The following B3GALT5 variants were observed in gnomAD, a reference collection of about 807,000 sequenced individuals.
The protein encoded by B3GALT5 is beta-1,3-galactosyltransferase 5, also known as UDP-Gal:betaGlcNAc beta 1,3-galactosyltransferase, polypeptide 5.
For missense variants in B3GALT5, 328 were observed against 396.6 expected (o/e 0.83, Z 1.47); for synonymous variants, 156 against 158.6 (o/e 0.98, Z 0.12).
chr21:39,654,369 A>G (rs568077468), intron 2 of B3GALT5, among the ~76,000 whole-genome samples: 4 of 152,214 alleles, frequency 2.6e-5, no homozygotes, highest in Non-Finnish European at 5.9e-5. Flanking sequence ...GGGATGAGCC[A>G]CCATGGTCGA....
At chr21:39,648,811 G>A (rs994267191) in intron 2 of B3GALT5, among the ~76,000 whole-genome samples, 7 of 152,058 alleles carry the variant, frequency 4.6e-5, no homozygotes, top group Non-Finnish European at 5.9e-5. Flanking sequence ...CCCGAGGGTG[G>A]AGCGCTCGTG....
chr21:39,613,606 T>C (rs1361426942), intron 1 of B3GALT5, among the ~76,000 whole-genome samples: 2 of 152,124 alleles, frequency 1.3e-5, no homozygotes, highest in African/African-American at 4.8e-5. Flanking sequence ...CTAAATACAG[T>C]GAGGTACCTT....
At position 39,662,722 on chromosome 21, in the gene B3GALT5, C is replaced by T. The variant is rs543651126; in HGVS notation, c.*1230C>T. 3 of 167,552 alleles carry T rather than the reference C, an allele frequency of 1.8e-5. No individual in the cohort carries two copies. The highest frequency in any genetic ancestry group is 4.8e-5 in the African/African-American group (2 of 41,570). The allele number at this position is 167,552 out of a possible 1,614,324, so 10.4% of individuals were successfully genotyped here. ...AGGGTTGTATAAAACCAAGGTACTT[C>T]GTTAGTTTTGCCCATTCAGCCATGG... On this transcript the variant is annotated 3_prime_UTR_variant, in exon 4 of 4. Coordinates refer to ENST00000684187, the MANE Select transcript of B3GALT5 (RefSeq NM_001356336.2).
At chr21:39,654,779 G>A (rs891174532) in intron 2 of B3GALT5, among the ~76,000 whole-genome samples, 1 of 152,126 alleles carries the variant, frequency 6.6e-6, no homozygotes, top group Admixed American at 6.6e-5. Context: ...GCAGTAAAAA[G>A]ATTATGATTC....
intron 1 of B3GALT5, among the ~76,000 whole-genome samples, chr21:39,620,457 C>G (rs2079128641): frequency 6.6e-6 from 1 of 152,046 alleles, no homozygotes; most frequent in Non-Finnish European, 1.5e-5. Context: ...CATGTAGAGT[C>G]TCTTGGATGT....
intron 2 of B3GALT5, among the ~76,000 whole-genome samples, chr21:39,656,747 T>A (rs2079448822): frequency 6.6e-6 from 1 of 152,230 alleles, no homozygotes; most frequent in Admixed American, 6.5e-5. Flanking sequence ...TCACCTGGCC[T>A]GGGGAGAGTC....
At chr21:39,616,069 T>C (rs1169539680) in intron 1 of B3GALT5, among the ~76,000 whole-genome samples, 1 of 152,196 alleles carries the variant, frequency 6.6e-6, no homozygotes, top group Non-Finnish European at 1.5e-5. Flanking sequence ...TAGTTTGTTA[T>C]TTAAATTTTG....
At chr21:39,623,084 CTCCA>C (rs2079142405) in intron 1 of B3GALT5, among the ~76,000 whole-genome samples, 1 of 140,642 alleles carries the variant, frequency 7.1e-6, no homozygotes, top group Non-Finnish European at 1.5e-5. Flanking sequence ...CCCTCCCTCC[CTCCA>C]TCCTTCCTTC....
chr21:39,642,887 A>AAAAAAG (rs1555926645), intron 1 of B3GALT5, among the ~76,000 whole-genome samples: 6 of 141,626 alleles, frequency 4.2e-5, no homozygotes, highest in Non-Finnish European at 7.5e-5. Flanking sequence ...AAAAAAAAAA[A>AAAAAAG]AAAAGAAAAG....
At chr21:39,643,737 AG>A (rs918898042) in intron 1 of B3GALT5, among the ~76,000 whole-genome samples, 2 of 152,146 alleles carry the variant, frequency 1.3e-5, no homozygotes, top group Non-Finnish European at 2.9e-5. Flanking sequence ...GTGCTTAAAG[AG>A]GGGGGAGAGA....
At chr21:39,631,598 A>G (rs544162024) in intron 1 of B3GALT5, among the ~76,000 whole-genome samples, 1 of 152,302 alleles carries the variant, frequency 6.6e-6, no homozygotes, top group Admixed American at 6.5e-5. Context: ...AACAGTAAAG[A>G]TCTATTAACT....
chr21:39,617,056 A>G (rs1419478224), intron 1 of B3GALT5, among the ~76,000 whole-genome samples: 1 of 152,226 alleles, frequency 6.6e-6, no homozygotes, highest in African/African-American at 2.4e-5. Flanking sequence ...ACAATAGGAA[A>G]GCATTGTTGA....
Position 39,661,090 on chromosome 21 carries a change from C to G in B3GALT5, c.531C>G (p.Thr177=), listed in dbSNP as rs750726351. ...TELLLKKNRT[T]RFFTGFLKLN... ...TGCTTCTGAAGAAAAACAGAACAAC[C>G]AGGTTTTTCACTGGCTTCTTGAAAC... The change falls in exon 4 of 4, where the codon ACC becomes ACG. Residue 177 remains threonine, a synonymous_variant. Coordinates refer to ENST00000684187, the MANE Select transcript of B3GALT5 (RefSeq NM_001356336.2). This position sits in a 1 kb window ranked among gnomAD's most constrained non-coding sequence, Gnocchi z 4.7. 1 of 1,614,148 alleles carries G rather than the reference C, an allele frequency of 6.2e-7. No homozygotes were observed. The highest frequency in any genetic ancestry group is 1.7e-5 in the Admixed American group (1 of 60,020).
At position 39,646,193 on chromosome 21, in the gene B3GALT5, T is replaced by C. The variant is rs75805664; in HGVS notation, c.-391-199T>C. 5.5e-3 allele frequency among the ~76,000 whole-genome samples: 839 copies of C among 152,118 alleles called. 6 individuals are homozygous for C. The highest frequency in any genetic ancestry group is 0.019 in the African/African-American group (806 of 41,464). ...GAAGCTGGTGCCCCGGACTACTGCTTCTCAACACTCCTGAGGAGTTGCCTT... is the reference window on the plus strand; with the variant it reads ...GAAGCTGGTGCCCCGGACTACTGCTCCTCAACACTCCTGAGGAGTTGCCTT... On this transcript the variant is annotated intron_variant, in intron 1 of 3. Coordinates refer to ENST00000684187, the MANE Select transcript of B3GALT5 (RefSeq NM_001356336.2).
At position 39,666,845 on chromosome 21, in the gene B3GALT5, C is replaced by T. The variant is rs534498695; in HGVS notation, c.*5353C>T. 3.9e-5 allele frequency: 6 copies of T among 152,430 alleles called. No individual in the cohort carries two copies. Among genetic ancestry groups the T allele is most frequent in the South Asian group, 4.1e-4 (2 of 4,826 alleles). 9.4% of individuals were successfully genotyped at this position (152,430 alleles called of 1,614,324 possible). On this transcript the variant is annotated 3_prime_UTR_variant, in exon 4 of 4. Coordinates refer to ENST00000684187, the MANE Select transcript of B3GALT5 (RefSeq NM_001356336.2). ...TTCCTTGAGCCCCATATCCCACGCC[C>T]GCTGTGCTAACCTCTGGCTTGCCGC...
intron 2 of B3GALT5, among the ~76,000 whole-genome samples, chr21:39,652,050 A>G (rs914071795): frequency 9.9e-5 from 15 of 152,254 alleles, no homozygotes; most frequent in Non-Finnish European, 1.8e-4. Flanking sequence ...GAAAGAGCCT[A>G]CTTCCCATAG....
intron 1 of B3GALT5, among the ~76,000 whole-genome samples, chr21:39,625,536 A>C (rs2079159246): frequency 6.6e-6 from 1 of 152,196 alleles, no homozygotes; most frequent in Non-Finnish European, 1.5e-5. Flanking sequence ...GCAATTTATT[A>C]GTTTCAAATA....
rs1190713150 is a variant in B3GALT5, at chr21:39,667,103, C to T, written c.*5611C>T. ...GGGTCAGTGAGCCCCGAGGCCACCT[C>T]CCTGGAGGCTGCAGGAGGGTGAGCG... On this transcript the variant is annotated 3_prime_UTR_variant, in exon 4 of 4. Transcript: ENST00000684187. 1 of 152,278 alleles carries T rather than the reference C, an allele frequency of 6.6e-6. No individual in the cohort carries two copies. Among genetic ancestry groups the T allele is most frequent in the African/African-American group, 2.4e-5 (1 of 41,470 alleles). The allele number at this position is 152,278 out of a possible 1,614,324, so 9.4% of individuals were successfully genotyped here.
intron 1 of B3GALT5, among the ~76,000 whole-genome samples, chr21:39,641,010 G>T (rs2079285703): frequency 6.6e-6 from 1 of 152,180 alleles, no homozygotes; most frequent in Non-Finnish European, 1.5e-5. Flanking sequence ...CTCCCAGAGT[G>T]CTGGGATTAT....
Sources: gnomAD v4.1 joint callset for allele counts (sites outside exome capture counted in the v4.1 genomes callset) on GRCh38, gnomAD v4.1.1 for gene constraint, Gnocchi (gnomAD v3.1) non-coding constraint, MANE v1.5 for transcripts, NCBI Gene and HGNC (gene_info 2026-07-23, HGNC 2026-07-21) for gene names.